The following ZNF679 variants were observed in gnomAD, a reference collection of about 807,000 sequenced individuals.
ZNF679 encodes the protein hypothetical protein MGC42415.
Under a neutral mutation model 13.4 loss-of-function variants are expected in ZNF679, and 10 were observed. The ratio of observed to expected loss-of-function variants is 0.75; its 90% CI spans 0.46 to 1.27. The LOEUF (loss-of-function observed/expected upper bound fraction) is 1.27. Among genes scored for constraint, ZNF679 ranks in the 50% most tolerant of loss-of-function variants. The probability of loss-of-function intolerance (pLI) is 0.00; values close to 1 mark genes in which losing one functional copy is unlikely to be tolerated. For missense variants in ZNF679, 525 were observed against 477.8 expected, an observed-to-expected ratio of 1.10 and a Z score of -0.92; for synonymous variants, 179 against 162.5, an observed-to-expected ratio of 1.10 and a Z score of -0.77.
Position 64,245,426 on chromosome 7 carries a change from A to AGAGAGAGAGAGAGAGAGG in ZNF679, c.-90-3571_-90-3554dup, listed in dbSNP as rs1254479641. 7.4e-5 allele frequency among the ~76,000 whole-genome samples: 11 copies of AGAGAGAGAGAGAGAGAGG among 148,500 alleles called. 1 individual carries two copies. The South Asian group carries it at 2.1e-3, about 29-fold the overall frequency. On this transcript the variant is annotated intron_variant, in intron 1 of 4. Coordinates refer to ENST00000421025, the MANE Select transcript of ZNF679 (RefSeq NM_153363.3). ...ATAGGAAAGGGAGAGAGAGAAAGAG[A>AGAGAGAGAGAGAGAGAGG]GAGAGAGAGAGAGAGAGGGAGAGAG...
intron 1 of ZNF679, among the ~76,000 whole-genome samples, chr7:64,238,076 T>C (rs753769007): frequency 1.3e-5 from 2 of 152,116 alleles, no homozygotes; most frequent in Non-Finnish European, 2.9e-5. Context: ...CACAATTAAA[T>C]AGTTTTATCT....
At chr7:64,237,783 A>G (rs1053826162) in intron 1 of ZNF679, among the ~76,000 whole-genome samples, 1 of 152,168 alleles carries the variant, frequency 6.6e-6, no homozygotes. Context: ...TGGGCTTTTT[A>G]TAACTTCTCC....
intron 2 of ZNF679, among the ~76,000 whole-genome samples, chr7:64,256,672 A>C (rs1788008662): frequency 6.7e-6 from 1 of 150,242 alleles, no homozygotes; most frequent in African/African-American, 2.4e-5. Flanking sequence ...ATTTTTTCAT[A>C]GAATCAACTT....
chr7:64,254,414 G>A (rs78304797), intron 2 of ZNF679, among the ~76,000 whole-genome samples: 4,951 of 152,084 alleles, frequency 0.033, 171 homozygotes, highest in East Asian at 0.17. Flanking sequence ...ATCATGCCAG[G>A]CTGGAGAATT....
chr7:64,254,688 T>A (rs1329266448), intron 2 of ZNF679, among the ~76,000 whole-genome samples: 1 of 152,100 alleles, frequency 6.6e-6, no homozygotes, highest in Non-Finnish European at 1.5e-5. Flanking sequence ...GACAGGCATA[T>A]GCAGTAAGGG....
intron 1 of ZNF679, among the ~76,000 whole-genome samples, chr7:64,237,802 T>C (rs1026862713): frequency 9.5e-4 from 145 of 152,280 alleles, no homozygotes; most frequent in African/African-American, 3.3e-3. Flanking sequence ...CCCTGAAGTT[T>C]AATAATTTGA....
intron 2 of ZNF679, among the ~76,000 whole-genome samples, chr7:64,257,572 G>T (rs573438151): frequency 6.6e-6 from 1 of 152,088 alleles, no homozygotes; most frequent in Non-Finnish European, 1.5e-5. Flanking sequence ...TTCCCAGCAC[G>T]GTATTCTGTG....
intron 2 of ZNF679, among the ~76,000 whole-genome samples, chr7:64,257,495 T>G (rs1166017183): frequency 6.6e-6 from 1 of 152,144 alleles, no homozygotes. Flanking sequence ...TTAATCCAAA[T>G]GCTAAAAATT....
chr7:64,239,734 A>G (rs1308026338), intron 1 of ZNF679, among the ~76,000 whole-genome samples: 1 of 152,208 alleles, frequency 6.6e-6, no homozygotes, highest in Non-Finnish European at 1.5e-5. Context: ...CCCTGCCCTG[A>G]AGAAGCATTG....
chr7:64,243,855 C>A (rs207467996), intron 1 of ZNF679, among the ~76,000 whole-genome samples: 1 of 152,196 alleles, frequency 6.6e-6, no homozygotes, highest in Non-Finnish European at 1.5e-5. Context: ...GGATCAGAGT[C>A]AATATCTCCT....
At chr7:64,229,102 C>A (rs1371161491) in intron 1 of ZNF679, among the ~76,000 whole-genome samples, 1 of 152,144 alleles carries the variant, frequency 6.6e-6, no homozygotes, top group Non-Finnish European at 1.5e-5. Flanking sequence ...GAAGTTAACA[C>A]ATTTTCTCTT....
chr7:64,263,697 C>T (rs1332998619), intron 4 of ZNF679, among the ~76,000 whole-genome samples: 2 of 152,158 alleles, frequency 1.3e-5, no homozygotes, highest in African/African-American at 2.4e-5. Context: ...TCATCTTTCA[C>T]CATGTGACAT....
chr7:64,261,544 TA>T (rs1036277340), intron 4 of ZNF679, among the ~76,000 whole-genome samples: 1 of 152,146 alleles, frequency 6.6e-6, no homozygotes, highest in Non-Finnish European at 1.5e-5. Context: ...TATAGATTTA[TA>T]AATAGAATTG....
chr7:64,258,562 G>T (rs1418532185), intron 2 of ZNF679, among the ~76,000 whole-genome samples: 1 of 151,908 alleles, frequency 6.6e-6, no homozygotes, highest in Non-Finnish European at 1.5e-5. Context: ...TCAGCCGGGC[G>T]TGGTGGCACA....
At chr7:64,258,869 A>G (rs1369604144) in intron 2 of ZNF679, among the ~76,000 whole-genome samples, 2 of 150,984 alleles carry the variant, frequency 1.3e-5, no homozygotes, top group Non-Finnish European at 2.9e-5. Context: ...ATTTTTCTAT[A>G]TAGCATAGTC....
chr7:64,266,115 G>A lies in ZNF679; in HGVS notation c.482G>A (p.Cys161Tyr). ...AACAAAATATTTCAGACTCATAAATGTGTCAAAGTCTTCGGCAAATTTTCA... is the reference window on the plus strand; with the variant it reads ...AACAAAATATTTCAGACTCATAAATATGTCAAAGTCTTCGGCAAATTTTCA... ...TQNKIFQTHKCVKVFGKFSNS... is the reference protein window; with the variant it reads ...TQNKIFQTHKYVKVFGKFSNS... The change falls in exon 5 of 5, where the codon TGT becomes TAT. Residue 161 changes from cysteine (C) to tyrosine (Y), a missense_variant. Cys to Tyr is a radical substitution (Grantham distance 194). Transcript: ENST00000421025. 1.2e-6 allele frequency: 2 copies of A among 1,611,556 alleles called. No individual in the cohort carries two copies. Among genetic ancestry groups the A allele is most frequent in the Non-Finnish European group, 1.7e-6 (2 of 1,178,504 alleles).
In ZNF679 at chr7:64,236,950, AAAG is replaced by A. The variant is rs1279365921; in HGVS notation, c.-91+8301_-91+8303del. Reference sequence around the variant, plus strand: ...GAAAGAAAGAAAGAAAGAAAGAAAGAAAGAAAGAAAGAAAGAAAGAAAGAAAAA... The same window carrying A: ...GAAAGAAAGAAAGAAAGAAAGAAAGAAAAGAAAGAAAGAAAGAAAGAAAAA... On this transcript the variant is annotated intron_variant, in intron 1 of 4. Transcript: ENST00000421025. Among the ~76,000 whole-genome samples the A allele has an allele frequency of 9.6e-3, 314 of 32,784 alleles. 4 individuals carry two copies. The highest frequency in any genetic ancestry group is 0.014 in the Non-Finnish European group (215 of 15,436). The allele number at this position is 32,784 out of a possible 152,430, so 21.5% of individuals were successfully genotyped here.
chr7:64,255,147 C>A (rs532623043), intron 2 of ZNF679, among the ~76,000 whole-genome samples: 139 of 152,188 alleles, frequency 9.1e-4, no homozygotes, highest in Non-Finnish European at 1.7e-3. Context: ...TGCACACAGG[C>A]TGTCACACTG....
At chr7:64,262,156 C>T (rs547404034) in intron 4 of ZNF679, among the ~76,000 whole-genome samples, 10 of 152,118 alleles carry the variant, frequency 6.6e-5, no homozygotes, top group African/African-American at 1.9e-4. Flanking sequence ...GCGCCTGGCT[C>T]GCTTGACCAT....
Sources: gnomAD v4.1 joint callset for allele counts (sites outside exome capture counted in the v4.1 genomes callset) on GRCh38, gnomAD v4.1.1 for gene constraint, MANE v1.5 for transcripts, NCBI Gene and HGNC (gene_info 2026-07-23, HGNC 2026-07-21) for gene names.